Variants in PIH1D2 observed in about 807,000 individuals in gnomAD.
PIH1D2 encodes PIH1 domain containing 2, also known as PIH1 domain-containing protein 2.
Under a neutral mutation model 31.2 loss-of-function variants are expected in PIH1D2, and 25 were observed. The ratio of observed to expected loss-of-function variants is 0.80; its 90% CI spans 0.58 to 1.12. The LOEUF is 1.12. PIH1D2 is among the 50% of genes most tolerant of loss of function. The pLI, the probability that PIH1D2 is intolerant of heterozygous loss-of-function variation, is 0.00. For synonymous variants in PIH1D2, 116 were observed against 119.9 expected (o/e 0.97, Z 0.21); for missense variants, 310 against 356.6 (o/e 0.87, Z 1.05).
chr11:112,065,648 A>G (rs1245816886), downstream of PIH1D2, among the ~76,000 whole-genome samples: 3 of 150,902 alleles, frequency 2.0e-5, no homozygotes, highest in Non-Finnish European at 3.0e-5. Context: ...TGAGGCAAGG[A>G]AAAAAAAACA....
At position 112,073,351 on chromosome 11, in the gene PIH1D2, T is replaced by C. The variant is rs146386242; in HGVS notation, c.-31-146A>G. On this transcript the variant is annotated intron_variant, in intron 1 of 5. Coordinates refer to ENST00000280350, the MANE Select transcript of PIH1D2 (RefSeq NM_138789.4). ...AAAAGGTTGTGGATCAGCACCACTT[T>C]ATGTTTTCCTTATTCTTTAATTATC... The C allele has an allele frequency of 1.1e-3, 580 of 513,214 alleles. 10 individuals are homozygous for C. In the Admixed American group the frequency reaches 0.017, roughly 15 times the overall value. 31.8% of individuals were successfully genotyped at this position (513,214 alleles called of 1,614,324 possible).
intron 3 of PIH1D2, 125 bp from the exon 4 acceptor site, chr11:112,071,408 T>A: frequency 7.5e-7 from 1 of 1,335,368 alleles, no homozygotes; most frequent in South Asian, 1.4e-5. Flanking sequence ...TCAGAGGTAA[T>A]CACAGTAGTG....
chr11:112,058,625 TGG>T (rs1169416538), downstream of PIH1D2, among the ~76,000 whole-genome samples: 19 of 71,972 alleles, frequency 2.6e-4, 1 homozygote, highest in African/African-American at 9.3e-4. Context: ...AAGGGGGGGG[TGG>T]GGGGGGGGAA....
downstream of PIH1D2, among the ~76,000 whole-genome samples, chr11:112,060,575 C>G (rs1864526203): frequency 6.6e-6 from 1 of 152,154 alleles, no homozygotes; most frequent in African/African-American, 2.4e-5. Context: ...CTACCTCTGC[C>G]TCCTGAGTAG....
Position 112,070,598 on chromosome 11 carries a change from C to A in PIH1D2, c.651G>T (p.Leu217=). The A allele has an allele frequency of 6.2e-7, 1 of 1,614,130 alleles. No homozygotes were observed. The highest frequency in any genetic ancestry group is 8.5e-7 in the Non-Finnish European group (1 of 1,180,026). The change falls in exon 5 of 6, where the codon CTG becomes CTT. Residue 217 remains leucine (L), a synonymous_variant. Coordinates refer to ENST00000280350, the MANE Select transcript of PIH1D2 (RefSeq NM_138789.4). ...TTTCAGTACTGGAAATCTCTTCTAT[C>A]AGACACACTGCTTTGCCTGAAACTT... ...KDQVSGKAVC[L]IEEISSTEIQ... is the part of the protein sequence containing the mutation.
chr11:112,072,997 C>CCATA lies in PIH1D2; in HGVS notation c.177_177+1insTATG (p.Lys60TyrfsTer40). ...CCATCCCTGGCACCAACTCGACATACCAGAATCCTGGTCTGTAGACAAAGC... is the reference window on the plus strand; with the variant it reads ...CCATCCCTGGCACCAACTCGACATACCATACAGAATCCTGGTCTGTAGACAAAGC... On this transcript the variant is annotated frameshift_variant and splice_region_variant. Transcript: ENST00000280350. LOFTEE classifies it high-confidence loss of function. 6.2e-7 allele frequency: 1 copy of CCATA among 1,601,484 alleles called. No homozygotes were observed.
intron 2 of PIH1D2, 88 bp downstream of exon 2, chr11:112,072,908 ATT>A: frequency 7.8e-7 from 1 of 1,284,604 alleles, no homozygotes. Flanking sequence ...AACAAAAAAA[ATT>A]AGCAATACCT....
At chr11:112,072,808 G>C (rs1158698053) in intron 2 of PIH1D2, 190 bp downstream of exon 2, 4 of 532,622 alleles carry the variant, frequency 7.5e-6, no homozygotes, top group Non-Finnish European at 1.2e-5. Context: ...AGGTTGCAGC[G>C]AGCCAAGACC....
chr11:112,061,022 A>T (rs980163567), downstream of PIH1D2: 27 of 1,548,000 alleles, frequency 1.7e-5, no homozygotes, highest in East Asian at 2.4e-5. Context: ...TTTATTTTTA[A>T]TTTTTTTTCC....
At chr11:112,062,433 T>TA, downstream of PIH1D2, 1 of 1,612,698 alleles carries the variant, frequency 6.2e-7, no homozygotes, top group Non-Finnish European at 8.5e-7. Flanking sequence ...TGATGTCTGT[T>TA]ACACTCAGTT....
the PIH1D2 span, among the ~76,000 whole-genome samples, chr11:112,057,291 A>G: frequency 0.025 from 3,799 of 152,294 alleles, 164 homozygotes; most frequent in African/African-American, 0.087. Context: ...GTAACTCTAC[A>G]ATGGCCTCTG....
At chr11:112,060,896 T>C (rs1566641893), downstream of PIH1D2, 1 of 666,836 alleles carries the variant, frequency 1.5e-6, no homozygotes, top group Non-Finnish European at 2.5e-6. Flanking sequence ...AATGGTTGTA[T>C]ATCTTCAGTA....
At chr11:112,070,127 T>C (rs1555184345) in intron 5 of PIH1D2, 2 of 524,818 alleles carry the variant, frequency 3.8e-6, no homozygotes, top group Non-Finnish European at 6.8e-6. Flanking sequence ...ACTGTGAGAA[T>C]ACACTTCTCA....
chr11:112,067,858 T>C lies in PIH1D2; in HGVS notation c.*13A>G. 3.7e-6 allele frequency: 6 copies of C among 1,611,512 alleles called. No homozygotes were observed. The highest frequency in any genetic ancestry group is 5.1e-6 in the Non-Finnish European group (6 of 1,179,324). On this transcript the variant is annotated 3_prime_UTR_variant, in exon 6 of 6. Transcript: ENST00000280350. ...TTTAGCACTGAAAACCCAAAACATA[T>C]GATGCTCTTCTTTCACACCAAAGGC...
the PIH1D2 span, among the ~76,000 whole-genome samples, chr11:112,053,011 A>G: frequency 6.6e-6 from 1 of 152,112 alleles, no homozygotes; most frequent in East Asian, 1.9e-4. Context: ...CCAAGTATAT[A>G]TTATACCACA....
rs782393191 is a variant in PIH1D2, at chr11:112,073,067, C to T, written c.108G>A (p.Gln36=). The change falls in exon 2 of 6, where the codon CAG becomes CAA. Residue 36 remains glutamine, a synonymous_variant. Coordinates refer to ENST00000280350, the MANE Select transcript of PIH1D2 (RefSeq NM_138789.4). ...DPEGYEKFIQ[Q]QLKEGKQLCA... ...AGAGCTGTTTCCCTTCTTTCAGCTG[C>T]TGCTGAATAAACTTCTCATAGCCCT... 1.7e-5 allele frequency: 28 copies of T among 1,614,142 alleles called. No homozygotes were observed. Among genetic ancestry groups the T allele is most frequent in the Admixed American group, 3.3e-5 (2 of 60,022 alleles).
downstream of PIH1D2, chr11:112,062,657 C>T: frequency 8.5e-7 from 1 of 1,177,004 alleles, no homozygotes; most frequent in Non-Finnish European, 1.2e-6. Context: ...TTGAGTCTGT[C>T]CAGATAAGTT....
downstream of PIH1D2, chr11:112,064,450 C>A (rs957848677): frequency 1.8e-5 from 9 of 486,708 alleles, no homozygotes; most frequent in Non-Finnish European, 2.9e-5. Flanking sequence ...TTATTTAGAT[C>A]TAGGGACAGC....
downstream of PIH1D2, among the ~76,000 whole-genome samples, chr11:112,064,579 C>A (rs1487044165): frequency 3.3e-5 from 5 of 152,008 alleles, no homozygotes; most frequent in African/African-American, 7.3e-5. Flanking sequence ...CCTGAAGCAC[C>A]CCATGTTGGG....
Sources: allele counts gnomAD v4.1 joint callset (sites outside exome capture counted in the v4.1 genomes callset), GRCh38; gene constraint gnomAD v4.1.1; transcripts MANE v1.5; gene names NCBI Gene and HGNC (gene_info 2026-07-23, HGNC 2026-07-21).